Variants in CD81 observed in about 807,000 individuals in gnomAD.
CD81 encodes the protein CD81 antigen.
In CD81, 10 loss-of-function variants were observed where a neutral mutation model predicts 30.1. That is an observed-to-expected ratio of 0.33 (90% CI 0.21 to 0.56). CD81 has a LOEUF of 0.56. Among genes scored for constraint, CD81 ranks in the 20% least tolerant of loss-of-function variants. CD81 has a pLI of 0.89. For missense variants in CD81, 263 were observed against 308.7 expected (o/e 0.85, Z 1.11); for synonymous variants, 147 against 126.4 (o/e 1.16, Z -1.10).
rs550635988 is a variant in CD81 at position 2,384,325 on chromosome 11, T to A, written c.67-6087T>A. Among the ~76,000 whole-genome samples the A allele has an allele frequency of 2.0e-3, 197 of 96,430 alleles. 3 individuals are homozygous for A. The highest frequency in any genetic ancestry group is 7.3e-3 in the African/African-American group (182 of 25,074). The allele number at this position is 96,430 out of a possible 152,430, so 63.3% of individuals were successfully genotyped here. A position where few individuals can be genotyped will look rare whatever the true frequency, so the allele number is the denominator to read the frequency against. ...GCGGGGCGCCTTGGGAGGCGGGGTGTCTCGGGAAGCGGGGCGTCTCGGGAG... is the reference window on the plus strand; with the variant it reads ...GCGGGGCGCCTTGGGAGGCGGGGTGACTCGGGAAGCGGGGCGTCTCGGGAG... On this transcript the variant is annotated intron_variant, in intron 1 of 7. Coordinates refer to ENST00000263645, the MANE Select transcript of CD81 (RefSeq NM_004356.4).
rs763533876 is a variant in CD81, at chr11:2,390,489, G to T, written c.144G>T (p.Glu48Asp). Residue 48 changes from glutamate (E) to aspartate (D), a missense_variant, in exon 2 of 8, where the codon GAG becomes GAT. Physicochemically the swap from Glu to Asp is conservative, Grantham distance 45. Around this residue, in one of 3 missense-constraint regions of CD81, gnomAD observed 84 missense variants for 98.2 expected, o/e 0.86. Coordinates refer to ENST00000263645, the MANE Select transcript of CD81 (RefSeq NM_004356.4). Reference sequence around the variant, plus strand: ...AGACCACCAACCTCCTGTATCTGGAGCTGGGAGACAAGCCCGCGCCCAACA... The same window carrying T: ...AGACCACCAACCTCCTGTATCTGGATCTGGGAGACAAGCCCGCGCCCAACA... ...DPQTTNLLYLELGDKPAPNTF... is the reference protein window; with the variant it reads ...DPQTTNLLYLDLGDKPAPNTF... 48 of 1,612,896 alleles carry T rather than the reference G, an allele frequency of 3.0e-5. No homozygotes were observed. The highest frequency in any genetic ancestry group is 3.7e-5 in the Non-Finnish European group (44 of 1,180,008).
chr11:2,389,790 C>G (rs927840118), intron 1 of CD81, among the ~76,000 whole-genome samples: 41 of 152,128 alleles, frequency 2.7e-4, no homozygotes, highest in African/African-American at 9.7e-4. Context: ...GGCCCTGGTG[C>G]CTACAGCTTG....
chr11:2,393,747 G>A (rs1589852726), intron 2 of CD81: 6 of 601,860 alleles, frequency 1.0e-5, no homozygotes, highest in East Asian at 2.8e-5. Flanking sequence ...GGTGGGTGGC[G>A]GGTGGCAGGT....
At chr11:2,389,574 G>T (rs540011508) in intron 1 of CD81, among the ~76,000 whole-genome samples, 5 of 152,116 alleles carry the variant, frequency 3.3e-5, no homozygotes, top group East Asian at 1.9e-4. Flanking sequence ...GGCGTTGAAG[G>T]CCTCTCCTCT....
upstream of CD81, chr11:2,376,914 G>C (rs2133434036): frequency 6.6e-6 from 1 of 152,466 alleles, no homozygotes; most frequent in South Asian, 2.1e-4. Context: ...CTCCCGGATT[G>C]TCCAAGGTGC....
intron 1 of CD81, among the ~76,000 whole-genome samples, chr11:2,389,563 C>T (rs771916250): frequency 5.1e-4 from 77 of 152,214 alleles, no homozygotes; most frequent in Middle Eastern, 6.8e-3. Context: ...CCGGATGACC[C>T]GGCGTTGAAG....
chr11:2,380,189 G>A (rs748506584), intron 1 of CD81, among the ~76,000 whole-genome samples: 16 of 152,140 alleles, frequency 1.1e-4, no homozygotes, highest in Non-Finnish European at 2.1e-4. Context: ...GATGTGCAGT[G>A]GGGAAGGGGC....
chr11:2,377,749 G>A lies in CD81; in HGVS notation c.66+134G>A, dbSNP rs1190291399. The A allele has an allele frequency of 5.6e-6, 2 of 354,730 alleles. No homozygotes were observed. The highest frequency in any genetic ancestry group is 4.8e-6 in the Non-Finnish European group (1 of 207,682). 22.0% of individuals were successfully genotyped at this position (354,730 alleles called of 1,614,324 possible). A position where few individuals can be genotyped will look rare whatever the true frequency, so the allele number is the denominator to read the frequency against. On this transcript the variant is annotated intron_variant, in intron 1 of 7. Transcript: ENST00000263645. This position sits in a 1 kb window ranked among gnomAD's most constrained non-coding sequence, Gnocchi z 7.7. ...GTTGTGGGGCCACCTGTGGGCTCCA[G>A]GAGCGGGGTGGGGGGTCGCCCGGGG...
chr11:2,395,780 G>A (rs572009173), intron 5 of CD81, 89 bp from the exon 6 acceptor site: 29 of 894,430 alleles, frequency 3.2e-5, no homozygotes, highest in East Asian at 1.9e-4. Context: ...GGAGCGCTGC[G>A]TACCCCTGGC....
chr11:2,377,835 T>G lies in CD81; in HGVS notation c.66+220T>G, dbSNP rs1849625530. 3.7e-6 allele frequency: 1 copy of G among 267,546 alleles called. No individual in the cohort carries two copies. Among genetic ancestry groups the G allele is most frequent in the Non-Finnish European group, 7.1e-6 (1 of 140,442 alleles). The allele number at this position is 267,546 out of a possible 1,614,324, so 16.6% of individuals were successfully genotyped here. On this transcript the variant is annotated intron_variant, in intron 1 of 7. Transcript: ENST00000263645. The surrounding 1 kb of genome is among the most constrained non-coding windows in gnomAD (Gnocchi z 7.7). ...GAGCCGAGTTTCGGGGCCTCTGTGC[T>G]CGGGGGCCCACCTCTGCGGCCGGGC... is the stretch of plus-strand genomic sequence containing the variant.
At chr11:2,384,057 C>T (rs1248017731) in intron 1 of CD81, among the ~76,000 whole-genome samples, 5 of 152,198 alleles carry the variant, frequency 3.3e-5, no homozygotes, top group Non-Finnish European at 4.4e-5. Context: ...TTGGAAACAG[C>T]GGACAGGCTG....
chr11:2,389,355 A>T (rs1346478959), intron 1 of CD81, among the ~76,000 whole-genome samples: 1 of 152,162 alleles, frequency 6.6e-6, no homozygotes, highest in African/African-American at 2.4e-5. Context: ...GGGACAGCAG[A>T]GGACAAGCCT....
At chr11:2,381,046 C>T (rs1849696923) in intron 1 of CD81, among the ~76,000 whole-genome samples, 1 of 152,230 alleles carries the variant, frequency 6.6e-6, no homozygotes, top group Middle Eastern at 3.2e-3. Context: ...GGGCTGCAAC[C>T]CTGGCAGGCG....
At chr11:2,386,813 A>T (rs1052528817) in intron 1 of CD81, among the ~76,000 whole-genome samples, 2 of 152,226 alleles carry the variant, frequency 1.3e-5, no homozygotes, top group Non-Finnish European at 2.9e-5. Context: ...CCCTATTAAA[A>T]GTCACATGGG....
intron 4 of CD81, 115 bp downstream of exon 4, chr11:2,395,161 T>C (rs917550329): frequency 2.2e-6 from 2 of 890,540 alleles, no homozygotes; most frequent in Non-Finnish European, 1.8e-6. Context: ...GGGCTCTTCC[T>C]GGGTCCCACT....
chr11:2,390,969 GCCCCAGAGGCGGTGTGACTCAGC>G, intron 2 of CD81: 1 of 281,184 alleles, frequency 3.6e-6, no homozygotes, highest in East Asian at 9.0e-5. Context: ...GGGTGGAGAC[GCCCCAGAGGCGGTGTGACTCAGC>G]TGCCCCTGCA....
chr11:2,390,325 A>C (rs2133455339), intron 1 of CD81, 87 bp from the exon 2 acceptor site: 1 of 1,011,254 alleles, frequency 9.9e-7, no homozygotes, highest in Admixed American at 1.7e-5. Context: ...GCAAGGCAGG[A>C]GGCTGCTTAG....
rs187799181 is a variant in CD81, at chr11:2,381,781, A to G, written c.66+4166A>G. ...GTGCTGGGTGATATTCCAGCCCTGC[A>G]GGTGTCCGCCTTGTTCCCAGCACCC... On this transcript the variant is annotated intron_variant, in intron 1 of 7. Transcript: ENST00000263645. 5.9e-5 allele frequency among the ~76,000 whole-genome samples: 9 copies of G among 152,322 alleles called. 1 individual carries two copies. The highest frequency in any genetic ancestry group is 5.9e-4 in the Admixed American group (9 of 15,304).
chr11:2,393,790 G>GGGCCCCACC, intron 2 of CD81: 1 of 613,708 alleles, frequency 1.6e-6, no homozygotes, highest in Non-Finnish European at 2.9e-6. Context: ...GGCAGGTGGC[G>GGGCCCCACC]GGCCCCACCG....
Sources: allele counts gnomAD v4.1 joint callset (sites outside exome capture counted in the v4.1 genomes callset), GRCh38; gene constraint gnomAD v4.1.1; regional missense constraint gnomAD v4.1.1; non-coding constraint Gnocchi (gnomAD v3.1); transcripts MANE v1.5; gene names NCBI Gene and HGNC (gene_info 2026-07-23, HGNC 2026-07-21).